The following KLF8 variants were observed in gnomAD, a reference collection of about 807,000 sequenced individuals.
KLF8 encodes the protein Krueppel-like factor 8.
KLF8 carries 10 observed loss-of-function variants against 18.2 expected under a neutral mutation model. The ratio of observed to expected loss-of-function variants is 0.55; its 90% CI spans 0.34 to 0.93. The LOEUF is 0.93. Among genes scored for constraint, KLF8 ranks in the 40% least tolerant of loss-of-function variants. The pLI is 0.02. For synonymous variants in KLF8, 109 were observed against 97.3 expected (o/e 1.12, Z -0.71); for missense variants, 264 against 277.9 (o/e 0.95, Z 0.36).
chrX:56,002,414 T>C, the KLF8 span, among the ~76,000 whole-genome samples: 1 of 38,671 alleles, frequency 2.6e-5, no homozygotes, highest in Non-Finnish European at 4.3e-5. Flanking sequence ...TCAATTTGTG[T>C]GTATGTGTGT....
the KLF8 span, among the ~76,000 whole-genome samples, chrX:56,058,281 TATATATA>T: frequency 1.2e-3 from 18 of 14,475 alleles, 2 homozygotes; most frequent in African/African-American, 5.1e-3. Context: ...TATATATACA[TATATATA>T]TATATATATA....
chrX:55,978,316 A>T, the KLF8 span, among the ~76,000 whole-genome samples: 1 of 111,740 alleles, frequency 8.9e-6, no homozygotes, highest in Non-Finnish European at 1.9e-5. Flanking sequence ...CTGCAGACAT[A>T]CAGACATATG....
the KLF8 span, among the ~76,000 whole-genome samples, chrX:56,072,526 T>C: frequency 9.0e-6 from 1 of 111,617 alleles, no homozygotes; most frequent in African/African-American, 3.3e-5. Context: ...AATATTAGTT[T>C]AATGTTGTGG....
the KLF8 span, among the ~76,000 whole-genome samples, chrX:56,176,290 C>G: frequency 8.9e-6 from 1 of 111,785 alleles, no homozygotes; most frequent in African/African-American, 3.3e-5. Flanking sequence ...TCTTTTAGGG[C>G]AGGCCCGGTG....
chrX:56,154,605 G>C, the KLF8 span, among the ~76,000 whole-genome samples: 2 of 112,055 alleles, frequency 1.8e-5, no homozygotes, highest in Non-Finnish European at 1.9e-5. Flanking sequence ...TTGACAAATG[G>C]GATCTAATTA....
chrX:56,172,922 C>T, the KLF8 span, among the ~76,000 whole-genome samples: 3 of 111,806 alleles, frequency 2.7e-5, no homozygotes, highest in East Asian at 5.6e-4. Context: ...AAGTGTCTGT[C>T]CATGTCCTTT....
At chrX:55,919,723 G>T in the KLF8 span, among the ~76,000 whole-genome samples, 1 of 111,245 alleles carries the variant, frequency 9.0e-6, no homozygotes, top group Non-Finnish European at 1.9e-5. Flanking sequence ...CAGCAAGCCC[G>T]GCCCAAGGAT....
chrX:56,021,472 G>A, the KLF8 span, among the ~76,000 whole-genome samples: 2 of 110,986 alleles, frequency 1.8e-5, no homozygotes, highest in African/African-American at 3.3e-5. Flanking sequence ...GTGCACACCC[G>A]TTTCTGTTGA....
the KLF8 span, among the ~76,000 whole-genome samples, chrX:56,057,542 G>A: frequency 1.8e-5 from 2 of 111,691 alleles, no homozygotes; most frequent in Non-Finnish European, 3.8e-5. Context: ...GGGCAGCACT[G>A]TTGGAGCTCT....
chrX:56,052,940 C>G, the KLF8 span, among the ~76,000 whole-genome samples: 1 of 111,807 alleles, frequency 8.9e-6, no homozygotes, highest in African/African-American at 3.2e-5. Flanking sequence ...GTAGGACCCT[C>G]CGAGCCAGGT....
At chrX:56,055,000 G>C in the KLF8 span, among the ~76,000 whole-genome samples, 1 of 111,686 alleles carries the variant, frequency 9.0e-6, no homozygotes, top group East Asian at 2.8e-4. Context: ...CTTGAAGACA[G>C]CTTGCCAATG....
chrX:56,123,279 G>GAA, the KLF8 span, among the ~76,000 whole-genome samples: 1 of 100,843 alleles, frequency 9.9e-6, no homozygotes, highest in Non-Finnish European at 1.9e-5. Context: ...GAAAAAGAAA[G>GAA]AAAGAAAGAA....
the KLF8 span, among the ~76,000 whole-genome samples, chrX:56,171,304 T>C: frequency 8.9e-6 from 1 of 111,979 alleles, no homozygotes; most frequent in Non-Finnish European, 1.9e-5. Context: ...TTATTAGTTT[T>C]ATTTTTGATT....
At chrX:56,058,859 G>A in the KLF8 span, among the ~76,000 whole-genome samples, 4 of 111,664 alleles carry the variant, frequency 3.6e-5, no homozygotes, top group Admixed American at 1.9e-4. Flanking sequence ...GCCTTTGGGT[G>A]TATACCCAGT....
chrX:56,255,060 A>AT (rs1237268692), intron 2 of KLF8, among the ~76,000 whole-genome samples: 3 of 111,703 alleles, frequency 2.7e-5, no homozygotes, highest in Non-Finnish European at 5.6e-5. Flanking sequence ...AACATAGAAT[A>AT]TTTTTCCATT....
the KLF8 span, among the ~76,000 whole-genome samples, chrX:56,013,591 G>T: frequency 2.7e-5 from 3 of 111,291 alleles, no homozygotes; most frequent in Non-Finnish European, 5.7e-5. Context: ...GTCTTGGGAG[G>T]GACCAGGTGG....
At chrX:56,018,800 T>C in the KLF8 span, among the ~76,000 whole-genome samples, 1 of 111,017 alleles carries the variant, frequency 9.0e-6, no homozygotes, top group Non-Finnish European at 1.9e-5. Flanking sequence ...TGTGTGTGTG[T>C]GGTTTAAAAC....
chrX:55,937,843 G>C, the KLF8 span, among the ~76,000 whole-genome samples: 3 of 111,725 alleles, frequency 2.7e-5, no homozygotes, highest in Non-Finnish European at 3.8e-5. Flanking sequence ...AAAAAGAAAT[G>C]AGCAAAGCCT....
chrX:56,135,227 T>C, the KLF8 span, among the ~76,000 whole-genome samples: 2 of 111,533 alleles, frequency 1.8e-5, no homozygotes, highest in African/African-American at 6.5e-5. Flanking sequence ...CTATAAATCA[T>C]GCTGCTATAA....
Sources: gnomAD v4.1 joint callset for allele counts (sites outside exome capture counted in the v4.1 genomes callset) on GRCh38, gnomAD v4.1.1 for gene constraint, MANE v1.5 for transcripts, NCBI Gene and HGNC (gene_info 2026-07-23, HGNC 2026-07-21) for gene names.